Variants in FOXJ3 observed in about 807,000 individuals in gnomAD.
The protein encoded by FOXJ3 is forkhead box protein J3.
In FOXJ3, 22 loss-of-function variants were observed where a neutral mutation model predicts 76.1. That is an observed-to-expected ratio of 0.29 (90% CI 0.21 to 0.41). The LOEUF is 0.41. Ranked by LOEUF, FOXJ3 falls within the 10% of genes least tolerant of loss-of-function variation. The pLI is 1.00. For synonymous variants in FOXJ3, 269 were observed against 261.2 expected (o/e 1.03, Z -0.29); for missense variants, 613 against 762.1 (o/e 0.80, Z 2.30).
intron 2 of FOXJ3, among the ~76,000 whole-genome samples, chr1:42,304,007 T>C (rs187785046): frequency 2.0e-5 from 3 of 152,212 alleles, no homozygotes; most frequent in Middle Eastern, 3.4e-3. Context: ...GATGATATGA[T>C]CTTATATTTG....
intron 5 of FOXJ3, among the ~76,000 whole-genome samples, chr1:42,207,737 G>C (rs576428267): frequency 6.6e-5 from 10 of 152,240 alleles, no homozygotes; most frequent in African/African-American, 2.2e-4. Flanking sequence ...TCTCATTCCA[G>C]ATAATCTAAT....
At chr1:42,269,370 T>C (rs1651707002) in intron 3 of FOXJ3, among the ~76,000 whole-genome samples, 1 of 152,184 alleles carries the variant, frequency 6.6e-6, no homozygotes, top group African/African-American at 2.4e-5. Flanking sequence ...CAGTGTGAAC[T>C]CATCACTTCA....
At chr1:42,310,137 A>G (rs1654714843) in intron 2 of FOXJ3, among the ~76,000 whole-genome samples, 1 of 152,048 alleles carries the variant, frequency 6.6e-6, no homozygotes, top group African/African-American at 2.4e-5. Flanking sequence ...ATTGAGTAGA[A>G]AGCAGGTTTA....
chr1:42,252,291 C>T (rs1650154979), intron 4 of FOXJ3, among the ~76,000 whole-genome samples: 1 of 152,176 alleles, frequency 6.6e-6, no homozygotes. Flanking sequence ...ATTATTGCCA[C>T]AATTTCAGAT....
chr1:42,229,634 G>A (rs1647899871), intron 4 of FOXJ3, among the ~76,000 whole-genome samples: 1 of 152,186 alleles, frequency 6.6e-6, no homozygotes, highest in Non-Finnish European at 1.5e-5. Flanking sequence ...CAGCTAAGGA[G>A]TCTACCAGAT....
At chr1:42,226,697 G>C (rs2124451008) in intron 5 of FOXJ3, among the ~76,000 whole-genome samples, 1 of 152,284 alleles carries the variant, frequency 6.6e-6, no homozygotes, top group East Asian at 1.9e-4. Flanking sequence ...TTTGTGTAAA[G>C]TCAAAAGTTG....
chr1:42,274,165 A>G (rs1312843977), intron 3 of FOXJ3, among the ~76,000 whole-genome samples: 1 of 152,160 alleles, frequency 6.6e-6, no homozygotes, highest in African/African-American at 2.4e-5. Context: ...GCCTTTTCTC[A>G]GGCTAAATAT....
intron 3 of FOXJ3, among the ~76,000 whole-genome samples, chr1:42,268,645 A>T (rs1454426561): frequency 6.6e-6 from 1 of 152,206 alleles, no homozygotes; most frequent in East Asian, 1.9e-4. Context: ...TGACAACAAT[A>T]GCAAAAAGGA....
At chr1:42,271,751 T>C (rs11210614) in intron 3 of FOXJ3, among the ~76,000 whole-genome samples, 115,446 of 152,004 alleles carry the variant, frequency 0.76, 43,899 homozygotes, top group Admixed American at 0.81. Context: ...TGGGCTCTAG[T>C]AATCCTTCCA....
intron 2 of FOXJ3, among the ~76,000 whole-genome samples, chr1:42,306,506 A>G (rs1429272376): frequency 1.3e-5 from 2 of 151,732 alleles, no homozygotes; most frequent in Admixed American, 6.6e-5. Flanking sequence ...GTTTCACCAC[A>G]TTGGCCAGGC....
intron 2 of FOXJ3, among the ~76,000 whole-genome samples, chr1:42,299,540 CT>C (rs762864718): frequency 0.016 from 1,860 of 119,270 alleles, 8 homozygotes; most frequent in African/African-American, 0.029. Context: ...ATGGTTGGGT[CT>C]TTTTTTTTTT....
At chr1:42,310,094 C>T (rs1212582356) in intron 2 of FOXJ3, among the ~76,000 whole-genome samples, 3 of 151,128 alleles carry the variant, frequency 2.0e-5, no homozygotes, top group Non-Finnish European at 4.4e-5. Context: ...TAATCTGCTA[C>T]AAAGGCAACC....
intron 1 of FOXJ3, among the ~76,000 whole-genome samples, chr1:42,311,435 C>A (rs1654802793): frequency 6.6e-6 from 1 of 152,112 alleles, no homozygotes. Flanking sequence ...ATGGCTATGT[C>A]ATAAAGTGTC....
chr1:42,237,149 G>T (rs564926728), intron 4 of FOXJ3, among the ~76,000 whole-genome samples: 1 of 151,966 alleles, frequency 6.6e-6, no homozygotes, highest in Non-Finnish European at 1.5e-5. Context: ...GCCGAGGGGG[G>T]TGGATCACGA....
intron 9 of FOXJ3, among the ~76,000 whole-genome samples, chr1:42,190,503 AG>A (rs1160848762): frequency 6.6e-6 from 1 of 152,244 alleles, no homozygotes; most frequent in African/African-American, 2.4e-5. Context: ...CGAACATGCA[AG>A]TCTACCAGAC....
chr1:42,205,355 A>G (rs1646840625), intron 6 of FOXJ3, among the ~76,000 whole-genome samples: 1 of 152,216 alleles, frequency 6.6e-6, no homozygotes, highest in Non-Finnish European at 1.5e-5. Flanking sequence ...AGTGAACTCT[A>G]TGAGGCTGTC....
At chr1:42,248,152 G>A (rs984815093) in intron 4 of FOXJ3, among the ~76,000 whole-genome samples, 2 of 152,176 alleles carry the variant, frequency 1.3e-5, no homozygotes, top group Admixed American at 6.5e-5. Context: ...TTCTTTTTGG[G>A]AGGGATGAAA....
rs111988959 is a variant in FOXJ3 at position 42,315,584 on chromosome 1, T to C, written c.-17-4474A>G. 3.7e-3 allele frequency: 647 copies of C among 173,858 alleles called. 5 individuals carry two copies. The highest frequency in any genetic ancestry group is 0.015 in the African/African-American group (623 of 42,048). The allele number at this position is 173,858 out of a possible 1,614,324, so 10.8% of individuals were successfully genotyped here. A position where few individuals can be genotyped will look rare whatever the true frequency, so the allele number is the denominator to read the frequency against. On this transcript the variant is annotated intron_variant, in intron 1 of 12. Coordinates refer to ENST00000361346, the MANE Select transcript of FOXJ3 (RefSeq NM_014947.5). ...GTTCCAGTGTTATTCATTTTTCCTC[T>C]AGATTACCGTCCTTAAATGACGTCC...
At chr1:42,230,495 TTA>T (rs1647989726) in intron 4 of FOXJ3, among the ~76,000 whole-genome samples, 1 of 152,210 alleles carries the variant, frequency 6.6e-6, no homozygotes, top group Non-Finnish European at 1.5e-5. Flanking sequence ...CAAAATTAAT[TTA>T]TGTTTCATAT....
Sources: allele counts gnomAD v4.1 joint callset (sites outside exome capture counted in the v4.1 genomes callset), GRCh38; gene constraint gnomAD v4.1.1; transcripts MANE v1.5; gene names NCBI Gene and HGNC (gene_info 2026-07-23, HGNC 2026-07-21).